HSF1: variants seen among roughly 807,000 people sequenced by gnomAD.
HSF1 encodes heat shock factor protein 1.
Under a neutral mutation model 51.7 loss-of-function variants are expected in HSF1, and 32 were observed. The ratio of observed to expected loss-of-function variants is 0.62; its 90% CI spans 0.47 to 0.83. The LOEUF (loss-of-function observed/expected upper bound fraction) is 0.83, where lower values mean the gene tolerates loss of function less well. HSF1 is among the 40% of genes least tolerant of loss of function. The probability of loss-of-function intolerance (pLI) is 0.00; values close to 1 mark genes in which losing one functional copy is unlikely to be tolerated. For missense variants in HSF1, 727 were observed against 717.0 expected (o/e 1.01, Z -0.16); for synonymous variants, 396 against 309.7 (o/e 1.28, Z -2.92).
intron 1 of HSF1, among the ~76,000 whole-genome samples, chr8:144,303,895 G>T (rs1437110337): frequency 6.6e-6 from 1 of 152,028 alleles, no homozygotes; most frequent in Non-Finnish European, 1.5e-5. Flanking sequence ...AAAAAAAATT[G>T]TGGTTTTGAA....
At chr8:144,299,782 A>G (rs984437349) in intron 1 of HSF1, among the ~76,000 whole-genome samples, 1 of 151,676 alleles carries the variant, frequency 6.6e-6, no homozygotes, top group Admixed American at 6.6e-5. Context: ...GGTGGCGGGC[A>G]CCTGTAGTCC....
rs148730557 is a variant in HSF1, at chr8:144,294,919, G to A, written c.117+3045G>A. Among the ~76,000 whole-genome samples the A allele has an allele frequency of 4.5e-3, 691 of 152,364 alleles. 2 individuals are homozygous for A. Among genetic ancestry groups the A allele is most frequent in the Non-Finnish European group, 7.6e-3 (520 of 68,034 alleles). On this transcript the variant is annotated intron_variant, in intron 1 of 12. Coordinates refer to ENST00000528838, the MANE Select transcript of HSF1 (RefSeq NM_005526.4). Reference sequence around the variant, plus strand: ...CGGGGATCCACATAAGAGCATGGGCGTGCACGTGGGTGGTCCTCCCTCAGC... The same window carrying A: ...CGGGGATCCACATAAGAGCATGGGCATGCACGTGGGTGGTCCTCCCTCAGC...
chr8:144,309,339 C>T (rs1816440912), intron 2 of HSF1, 116 bp from the exon 3 acceptor site: 5 of 1,427,096 alleles, frequency 3.5e-6, no homozygotes, highest in Non-Finnish European at 4.8e-6. Context: ...TCTGAGGGGG[C>T]AGGGCAGGGT....
Position 144,311,730 on chromosome 8 carries a change from C to T in HSF1, c.754C>T (p.Leu252Phe). 6.2e-7 allele frequency: 1 copy of T among 1,612,694 alleles called. No individual in the cohort carries two copies. Among genetic ancestry groups the T allele is most frequent in the Non-Finnish European group, 8.5e-7 (1 of 1,179,612 alleles). ...CTCCCCAGCCTACAGCAGCTCCAGCCTCTACGCCCCTGATGCTGTGGCCAG... is the reference window on the plus strand; with the variant it reads ...CTCCCCAGCCTACAGCAGCTCCAGCTTCTACGCCCCTGATGCTGTGGCCAG... Reference protein sequence around the residue: ...APSPAYSSSSLYAPDAVASSG... With the variant: ...APSPAYSSSSFYAPDAVASSG... Residue 252 changes from leucine (L) to phenylalanine (F), a missense_variant, in exon 8 of 13, where the codon CTC (leucine) becomes TTC (phenylalanine). This residue lies in a region of HSF1 where 470 missense variants were observed against 398.8 expected (regional missense o/e 1.18). Coordinates refer to ENST00000528838, the MANE Select transcript of HSF1 (RefSeq NM_005526.4).
chr8:144,312,263 TG>T lies in HSF1; in HGVS notation c.1142+21del. 1.2e-6 allele frequency: 1 copy of T among 840,452 alleles called. No individual in the cohort carries two copies. The highest frequency in any genetic ancestry group is 2.4e-5 in the Admixed American group (1 of 40,836). 52.1% of individuals were successfully genotyped at this position (840,452 alleles called of 1,614,324 possible). On this transcript the variant is annotated intron_variant, in intron 9 of 12. Transcript: ENST00000528838. ...TGGACAAGTGAGTGCCGCCCACCCC[TG>T]GCCCCACCCACAGCGCCTGGACGCA...
At chr8:144,304,261 G>A (rs148250091) in intron 1 of HSF1, among the ~76,000 whole-genome samples, 163 of 152,310 alleles carry the variant, frequency 1.1e-3, no homozygotes, top group African/African-American at 3.7e-3. Context: ...CTTAATGTTC[G>A]TACCAGGTGT....
chr8:144,303,888 A>T (rs1266890159), intron 1 of HSF1, among the ~76,000 whole-genome samples: 1 of 152,212 alleles, frequency 6.6e-6, no homozygotes, highest in Non-Finnish European at 1.5e-5. Context: ...AAATAAAAAA[A>T]AAAATTGTGG....
intron 1 of HSF1, among the ~76,000 whole-genome samples, chr8:144,294,818 C>T (rs1554841019): frequency 6.6e-6 from 1 of 152,162 alleles, no homozygotes; most frequent in Non-Finnish European, 1.5e-5. Flanking sequence ...AGGCAAGGGC[C>T]TTGAGGGGAC....
chr8:144,311,918 G>A, intron 8 of HSF1, 45 bp from the exon 9 acceptor site: 1 of 1,579,672 alleles, frequency 6.3e-7, no homozygotes. Context: ...GGGATGAGGT[G>A]GGGCTGGCCG....
At chr8:144,306,939 T>C (rs1322540473) in intron 1 of HSF1, among the ~76,000 whole-genome samples, 1 of 151,582 alleles carries the variant, frequency 6.6e-6, no homozygotes, top group Admixed American at 6.6e-5. Flanking sequence ...GTGTGTGTGT[T>C]GGGGACGCCT....
chr8:144,305,076 T>C (rs1200986993), intron 1 of HSF1, among the ~76,000 whole-genome samples: 6 of 149,802 alleles, frequency 4.0e-5, no homozygotes, highest in African/African-American at 1.5e-4. Context: ...GCCTCCCGAG[T>C]AGCTGGGACT....
intron 1 of HSF1, among the ~76,000 whole-genome samples, chr8:144,304,703 G>T (rs887433182): frequency 6.6e-6 from 1 of 152,162 alleles, no homozygotes; most frequent in Non-Finnish European, 1.5e-5. Context: ...CTAGAGGGCA[G>T]TGGCACGATC....
chr8:144,309,079 CAGGAGGACCCTGT>C, intron 2 of HSF1, 65 bp downstream of exon 2: 2 of 1,229,878 alleles, frequency 1.6e-6, no homozygotes, highest in Non-Finnish European at 2.4e-6. Flanking sequence ...GGGACCCCAG[CAGGAGGACCCTGT>C]GATGAAGGAC....
rs1554840445 is a variant in HSF1 at position 144,291,878 on chromosome 8, AGGGCAGCGCGCGGGCGCGGGGCCCGTGGG to A, written c.117+6_117+34del. On this transcript the variant is annotated splice_donor_5th_base_variant and intron_variant, in intron 1 of 12. Coordinates refer to ENST00000528838, the MANE Select transcript of HSF1 (RefSeq NM_005526.4). The surrounding 1 kb of genome is among the most constrained non-coding windows in gnomAD (Gnocchi z 4.1). ...CGCGCTCATCTGCTGGAGCCCGGTG[AGGGCAGCGCGCGGGCGCGGGGCCCGTGGG>A]GACCGGGAGGGAGCAGGGCCGCGGC... 1 of 1,503,290 alleles carries A rather than the reference AGGGCAGCGCGCGGGCGCGGGGCCCGTGGG, an allele frequency of 6.7e-7. No homozygotes were observed. The highest frequency in any genetic ancestry group is 1.2e-5 in the South Asian group (1 of 81,254). The allele number at this position is 1,503,290 out of a possible 1,614,324, so 93.1% of individuals were successfully genotyped here.
intron 1 of HSF1, among the ~76,000 whole-genome samples, chr8:144,307,559 G>A (rs1816303237): frequency 6.6e-6 from 1 of 152,242 alleles, no homozygotes; most frequent in African/African-American, 2.4e-5. Flanking sequence ...GGGCAACATG[G>A]TGAAACCCCA....
At chr8:144,309,968 G>A in intron 4 of HSF1, 72 bp downstream of exon 4, 1 of 1,553,002 alleles carries the variant, frequency 6.4e-7, no homozygotes, top group South Asian at 1.2e-5. Context: ...GTGCTGTGGG[G>A]GCAGGGCCCT....
chr8:144,313,477 G>A (rs1169380384), intron 9 of HSF1, 34 bp from the exon 10 acceptor site: 3 of 1,393,736 alleles, frequency 2.2e-6, no homozygotes, highest in East Asian at 2.3e-5. Flanking sequence ...GGGGCCTGGG[G>A]CACTGGTTCA....
chr8:144,312,360 C>G, intron 9 of HSF1, 116 bp downstream of exon 9: 1 of 837,148 alleles, frequency 1.2e-6, no homozygotes, highest in Non-Finnish European at 1.8e-6. Flanking sequence ...GACCCTACCC[C>G]CAACCTCGGA....
At chr8:144,292,011 G>A (rs1815123250) in intron 1 of HSF1, 137 bp downstream of exon 1, 1 of 461,974 alleles carries the variant, frequency 2.2e-6, no homozygotes, top group Non-Finnish European at 3.7e-6. Context: ...GCCCCCGCCA[G>A]AGAAGGGCGG....
Sources: gnomAD v4.1 joint callset for allele counts (sites outside exome capture counted in the v4.1 genomes callset) on GRCh38, gnomAD v4.1.1 for gene constraint, gnomAD v4.1.1 regional missense constraint, Gnocchi (gnomAD v3.1) non-coding constraint, MANE v1.5 for transcripts, NCBI Gene and HGNC (gene_info 2026-07-23, HGNC 2026-07-21) for gene names.